RBM7: variants seen among roughly 807,000 people sequenced by gnomAD.
RBM7 encodes the protein RNA-binding protein 7.
A neutral mutation model predicts 31.0 loss-of-function variants in RBM7; 13 were observed. The ratio of observed to expected loss-of-function variants is 0.42; its 90% confidence interval spans 0.27 to 0.67. RBM7 has a LOEUF of 0.67. RBM7 is among the 30% of genes least tolerant of loss of function. The probability of loss-of-function intolerance (pLI) is 0.24; values close to 1 mark genes in which losing one functional copy is unlikely to be tolerated. For synonymous variants in RBM7, 106 were observed against 111.2 expected (o/e 0.95, Z 0.30); for missense variants, 245 against 326.2 (o/e 0.75, Z 1.92).
intron 2 of RBM7, 106 bp downstream of exon 2, chr11:114,401,966 A>G (rs1204749650): frequency 1.2e-5 from 14 of 1,197,440 alleles, no homozygotes; most frequent in Non-Finnish European, 1.5e-5. Flanking sequence ...TTTCTTAAGC[A>G]TTGTGAATAG....
At chr11:114,405,670 A>G (rs751309217) in intron 3 of RBM7, 36 bp from the exon 4 acceptor site, 3 of 1,417,156 alleles carry the variant, frequency 2.1e-6, no homozygotes, top group East Asian at 4.7e-5. Flanking sequence ...GTAAATATTT[A>G]TTGAATGAAT....
At chr11:114,404,351 A>G (rs536179) in intron 3 of RBM7, among the ~76,000 whole-genome samples, 87,180 of 151,968 alleles carry the variant, frequency 0.57, 26,253 homozygotes, top group African/African-American at 0.77. Flanking sequence ...GATACTAGAA[A>G]GTGGAATAGT....
chr11:114,407,281 C>A, intron 4 of RBM7, 164 bp from the exon 5 acceptor site: 4 of 625,370 alleles, frequency 6.4e-6, no homozygotes, highest in Non-Finnish European at 1.1e-5. Context: ...ATATATGTAT[C>A]TTGTAGGTAT....
In RBM7 at chr11:114,402,813, A is replaced by AT; in HGVS notation, c.260-13dup. ...TTTTCTATCAAGAATAATTTTTCAAATTGTTTCATTTTAGGAAGTAGTCAT... is the reference window on the plus strand; with the variant it reads ...TTTTCTATCAAGAATAATTTTTCAAATTTGTTTCATTTTAGGAAGTAGTCAT... On this transcript the variant is annotated splice_polypyrimidine_tract_variant and intron_variant, in intron 2 of 4. Transcript: ENST00000375490. 1.3e-6 allele frequency: 2 copies of AT among 1,592,142 alleles called. No homozygotes were observed.
Position 114,407,734 on chromosome 11 carries a change from A to G in RBM7, c.731A>G (p.Asp244Gly). The G allele has an allele frequency of 6.2e-7, 1 of 1,613,946 alleles. No individual in the cohort carries two copies. The highest frequency in any genetic ancestry group is 8.5e-7 in the Non-Finnish European group (1 of 1,179,930). The stretch of plus-strand genomic sequence containing the variant: ...TTCTTCTATGAAGACAGGAATCATG[A>G]TGACTGGAGCCATGACTATGATAAC... ...DDFFYEDRNH[D>G]DWSHDYDNRR... Residue 244 changes from aspartate to glycine, a missense_variant, in exon 5 of 5, where the codon GAT (aspartate) becomes GGT (glycine). Transcript: ENST00000375490.
intron 4 of RBM7, 149 bp downstream of exon 4, chr11:114,405,948 A>G (rs962998869): frequency 2.2e-5 from 12 of 540,462 alleles, no homozygotes; most frequent in African/African-American, 1.2e-4. Context: ...TGAACTTTTT[A>G]GATAACTTTT....
intron 3 of RBM7, among the ~76,000 whole-genome samples, chr11:114,404,512 G>A (rs1386399990): frequency 6.6e-6 from 1 of 152,080 alleles, no homozygotes; most frequent in Non-Finnish European, 1.5e-5. Flanking sequence ...CCTAGGTAGA[G>A]GAAAATAAAA....
In RBM7 at chr11:114,407,457, T is replaced by C; in HGVS notation, c.454T>C (p.Leu152=). 6.2e-7 allele frequency: 1 copy of C among 1,611,680 alleles called. No homozygotes were observed. Among genetic ancestry groups the C allele is most frequent in the Non-Finnish European group, 8.5e-7 (1 of 1,178,190 alleles). Reference sequence around the variant, plus strand: ...TCCTATTCCTCAGATGAACAGTGCTTTGAGACAAATGTCATATGGTGGAAA... The same window carrying C: ...TCCTATTCCTCAGATGAACAGTGCTCTGAGACAAATGTCATATGGTGGAAA... The part of the protein sequence containing the change: ...FQRQAVMNSA[L]RQMSYGGKFG... The change falls in exon 5 of 5, where the codon TTG becomes CTG. Residue 152 remains leucine (L), a synonymous_variant. Coordinates refer to ENST00000375490, the MANE Select transcript of RBM7 (RefSeq NM_001286045.2).
rs1006704335 is a variant in RBM7 at position 114,410,428 on chromosome 11, C to T, written c.*2621C>T. 3.9e-5 allele frequency: 6 copies of T among 152,024 alleles called. No homozygotes were observed. Among genetic ancestry groups the T allele is most frequent in the African/African-American group, 1.4e-4 (6 of 41,382 alleles). The allele number at this position is 152,024 out of a possible 1,614,324, so 9.4% of individuals were successfully genotyped here. On this transcript the variant is annotated 3_prime_UTR_variant, in exon 5 of 5. Transcript: ENST00000375490. ...CACTTTCTAATTATGTTGTGTGTGC[C>T]CACTTTCCCCATACCTACTGCTACC...
At position 114,407,427 on chromosome 11, in the gene RBM7, A is replaced by G; in HGVS notation, c.442-18A>G. ...GATATCTAGAAGTATTAACATTTCC[A>G]CTTTTCCTATTCCTCAGATGAACAG... On this transcript the variant is annotated intron_variant, in intron 4 of 4. Transcript: ENST00000375490. 6.3e-7 allele frequency: 1 copy of G among 1,591,604 alleles called. No individual in the cohort carries two copies. The highest frequency in any genetic ancestry group is 8.6e-7 in the Non-Finnish European group (1 of 1,167,742).
At chr11:114,402,346 A>G (rs577467974) in intron 2 of RBM7, among the ~76,000 whole-genome samples, 1 of 135,694 alleles carries the variant, frequency 7.4e-6, no homozygotes, top group East Asian at 2.3e-4. Flanking sequence ...TTTCACCCCG[A>G]TGAAGCCGTA....
chr11:114,410,249 C>G lies in RBM7; in HGVS notation c.*2442C>G, dbSNP rs1946319824. 1 of 149,030 alleles carries G rather than the reference C, an allele frequency of 6.7e-6. No individual in the cohort carries two copies. The highest frequency in any genetic ancestry group is 2.2e-4 in the South Asian group (1 of 4,604). 9.2% of individuals were successfully genotyped at this position (149,030 alleles called of 1,614,324 possible). On this transcript the variant is annotated 3_prime_UTR_variant, in exon 5 of 5. Transcript: ENST00000375490. ...CTTCTAAAAAAAAGAAAAAAAAAAT[C>G]AAATGTTTGGAAGCCATTTTGTGTT...
intron 1 of RBM7, 99 bp downstream of exon 1, chr11:114,400,866 C>A: frequency 7.4e-7 from 1 of 1,355,652 alleles, no homozygotes; most frequent in East Asian, 2.4e-5. Context: ...TCAGGGGACC[C>A]GACGGGTGGC....
At chr11:114,405,491 C>G (rs182010288) in intron 3 of RBM7, among the ~76,000 whole-genome samples, 1 of 152,162 alleles carries the variant, frequency 6.6e-6, no homozygotes, top group Admixed American at 6.5e-5. Context: ...GGGGAACCTC[C>G]TATCTGTTTC....
In RBM7 at chr11:114,407,898, G is replaced by A; in HGVS notation, c.*91G>A. On this transcript the variant is annotated 3_prime_UTR_variant, in exon 5 of 5. Transcript: ENST00000375490. ...ATATTTTGTTGAAAAACTGTACAGA[G>A]CAGCTTTACAAGTTGTCACATTTCT... 1.5e-6 allele frequency: 2 copies of A among 1,377,090 alleles called. No individual in the cohort carries two copies. Among genetic ancestry groups the A allele is most frequent in the South Asian group, 3.1e-5 (2 of 64,456 alleles). 85.3% of individuals were successfully genotyped at this position (1,377,090 alleles called of 1,614,324 possible). A position where few individuals can be genotyped will look rare whatever the true frequency, so the allele number is the denominator to read the frequency against.
chr11:114,407,645 T>C lies in RBM7; in HGVS notation c.642T>C (p.Tyr214=). Reference sequence around the variant, plus strand: ...ATCCCTACCTAGCAGATAGACATTATAGCCGGGAACAGCGTTACACTGATC... The same window carrying C: ...ATCCCTACCTAGCAGATAGACATTACAGCCGGGAACAGCGTTACACTGATC... The part of the protein sequence containing the change: ...NSYPYLADRH[Y]SREQRYTDHG... The change falls in exon 5 of 5, where the codon TAT becomes TAC. Residue 214 remains tyrosine, a synonymous_variant. Coordinates refer to ENST00000375490, the MANE Select transcript of RBM7 (RefSeq NM_001286045.2). 1 of 1,614,132 alleles carries C rather than the reference T, an allele frequency of 6.2e-7. No homozygotes were observed. The highest frequency in any genetic ancestry group is 8.5e-7 in the Non-Finnish European group (1 of 1,179,988).
At chr11:114,402,005 C>T (rs1946208895) in intron 2 of RBM7, 145 bp downstream of exon 2, 1 of 735,038 alleles carries the variant, frequency 1.4e-6, no homozygotes. Flanking sequence ...CTTTATATAT[C>T]CCTGAAAACG....
chr11:114,401,591 C>T (rs1275361938), intron 1 of RBM7, 107 bp from the exon 2 acceptor site: 21 of 954,520 alleles, frequency 2.2e-5, no homozygotes, highest in Non-Finnish European at 2.5e-5. Context: ...AAAGAAGTTT[C>T]TGATTACGTT....
chr11:114,400,712 TG>T lies in RBM7; in HGVS notation c.44del (p.Gly15AlafsTer7). 2 of 1,614,222 alleles carry T rather than the reference TG, an allele frequency of 1.2e-6. No homozygotes were observed. The highest frequency in any genetic ancestry group is 1.7e-5 in the Admixed American group (1 of 60,028). On this transcript the variant is annotated frameshift_variant, in exon 1 of 5. Coordinates refer to ENST00000375490, the MANE Select transcript of RBM7 (RefSeq NM_001286045.2). LOFTEE classifies it high-confidence loss of function. Reference protein sequence around the residue: ...AAAEADRTLFVGNLETKVTEE... With the variant: ...AAAEADRTLFXGNLETKVTEE... The stretch of plus-strand genomic sequence containing the variant: ...GCGGAAGCGGATCGCACTCTCTTTG[TG>T]GGCAACCTTGAAACGAAAGTGACCG...
Sources: allele counts gnomAD v4.1 joint callset (sites outside exome capture counted in the v4.1 genomes callset), GRCh38; gene constraint gnomAD v4.1.1; transcripts MANE v1.5; gene names NCBI Gene and HGNC (gene_info 2026-07-23, HGNC 2026-07-21).